CEP164: variants seen among roughly 807,000 people sequenced by gnomAD.
CEP164 encodes centrosomal protein 164.
A neutral mutation model predicts 182.7 loss-of-function variants in CEP164; 162 were observed. The ratio of observed to expected loss-of-function variants is 0.89; its 90% CI spans 0.78 to 1.01. The LOEUF is 1.01. CEP164 is among the 50% of genes least tolerant of loss of function. The probability of loss-of-function intolerance (pLI) is 0.00; values close to 1 mark genes in which losing one functional copy is unlikely to be tolerated. For missense variants in CEP164, 1,735 were observed against 1,790.4 expected (o/e 0.97, Z 0.56); for synonymous variants, 661 against 690.0 (o/e 0.96, Z 0.66).
chr11:117,405,350 C>T (rs756781309), intron 27 of CEP164, among the ~76,000 whole-genome samples: 25 of 152,156 alleles, frequency 1.6e-4, no homozygotes, highest in Non-Finnish European at 2.2e-4. Context: ...GTATCTGGGC[C>T]GGAATGCACT....
intron 7 of CEP164, 26 bp downstream of exon 7, chr11:117,362,564 C>T (rs2041119133): frequency 6.2e-7 from 1 of 1,605,026 alleles, no homozygotes. Context: ...TCTCCCTGGC[C>T]TGGAAACCCT....
chr11:117,330,521 C>CAT (rs2036040307), intron 1 of CEP164, among the ~76,000 whole-genome samples: 2 of 152,114 alleles, frequency 1.3e-5, no homozygotes, highest in African/African-American at 4.8e-5. Flanking sequence ...TGGTGGCAGG[C>CAT]GCCTGTAATC....
intron 13 of CEP164, 52 bp from the exon 14 acceptor site, chr11:117,382,744 C>T (rs371562562): frequency 1.3e-6 from 2 of 1,595,026 alleles, no homozygotes; most frequent in South Asian, 1.1e-5. Flanking sequence ...ACATCTTAAG[C>T]CTCTTGCTTT....
intron 8 of CEP164, among the ~76,000 whole-genome samples, chr11:117,366,143 G>T (rs1406525903): frequency 6.6e-6 from 1 of 152,004 alleles, no homozygotes; most frequent in Non-Finnish European, 1.5e-5. Context: ...CCTGTTGGGA[G>T]TGTTAGTGGT....
intron 15 of CEP164, among the ~76,000 whole-genome samples, chr11:117,388,892 A>C (rs1030838520): frequency 6.6e-6 from 1 of 151,614 alleles, no homozygotes; most frequent in African/African-American, 2.4e-5. Context: ...CAGCCTCCCA[A>C]GTAGCTGGGA....
chr11:117,354,233 G>A (rs996531950), intron 5 of CEP164, among the ~76,000 whole-genome samples: 1 of 151,976 alleles, frequency 6.6e-6, no homozygotes, highest in Non-Finnish European at 1.5e-5. Flanking sequence ...GGCCAGGCTG[G>A]TCTCGAACTC....
At chr11:117,354,775 TTTA>T (rs1357162345) in intron 5 of CEP164, among the ~76,000 whole-genome samples, 1 of 149,444 alleles carries the variant, frequency 6.7e-6, no homozygotes, top group African/African-American at 2.5e-5. Context: ...ATTTTATTTA[TTTA>T]TTTATTTATT....
At chr11:117,376,187 C>T (rs2042721338) in intron 11 of CEP164, among the ~76,000 whole-genome samples, 1 of 152,246 alleles carries the variant, frequency 6.6e-6, no homozygotes. Context: ...GCACACTCCA[C>T]CTCCGCCACG....
intron 27 of CEP164, among the ~76,000 whole-genome samples, chr11:117,401,684 T>G (rs1242219128): frequency 6.6e-6 from 1 of 152,220 alleles, no homozygotes; most frequent in African/African-American, 2.4e-5. Context: ...GGGATTCAAC[T>G]TCTTTCTGGT....
intron 2 of CEP164, among the ~76,000 whole-genome samples, chr11:117,337,128 G>A (rs1287722648): frequency 2.0e-5 from 3 of 152,018 alleles, no homozygotes; most frequent in Admixed American, 2.0e-4. Context: ...TAGACTGGGG[G>A]GCTCCAACAA....
At position 117,396,295 on chromosome 11, in the gene CEP164, G is replaced by A. The variant is rs577615759; in HGVS notation, c.3216+115G>A. On this transcript the variant is annotated intron_variant, in intron 25 of 32. Transcript: ENST00000278935. ...GGGACAGCTCATCAGGAGGGGTGGAGCCTCAGGAGGGGAGGAGTATAAGGT... is the reference window on the plus strand; with the variant it reads ...GGGACAGCTCATCAGGAGGGGTGGAACCTCAGGAGGGGAGGAGTATAAGGT... 5.1e-4 allele frequency: 628 copies of A among 1,219,802 alleles called. 1 individual carries two copies. The highest frequency in any genetic ancestry group is 6.6e-4 in the Non-Finnish European group (557 of 849,522). 75.6% of individuals were successfully genotyped at this position (1,219,802 alleles called of 1,614,324 possible).
chr11:117,364,833 C>T (rs1156876656), intron 8 of CEP164, among the ~76,000 whole-genome samples: 3 of 152,158 alleles, frequency 2.0e-5, no homozygotes, highest in Non-Finnish European at 4.4e-5. Flanking sequence ...TGCCTGTAAC[C>T]TCAGAAACTG....
intron 8 of CEP164, among the ~76,000 whole-genome samples, 186 bp from the exon 9 acceptor site, chr11:117,370,894 G>C (rs746065606): frequency 6.7e-4 from 102 of 152,146 alleles, no homozygotes; most frequent in Non-Finnish European, 1.3e-3. Flanking sequence ...CTGGGCGACA[G>C]AGTAAGACTC....
rs189055105 is a variant in CEP164 at position 117,322,251 on chromosome 11, G to A, written c.-98+7523G>A. On this transcript the variant is annotated intron_variant, in intron 1 of 4. Transcript: ENST00000525734. Reference sequence around the variant, plus strand: ...CGGCCTCAGCCTCCTGAGTAGCTGGGACTACAGGCGTGTACCACCATGCCC... The same window carrying A: ...CGGCCTCAGCCTCCTGAGTAGCTGGAACTACAGGCGTGTACCACCATGCCC... Among the ~76,000 whole-genome samples, 13 of 152,110 alleles carry A rather than the reference G, an allele frequency of 8.5e-5. 1 individual carries two copies. Among genetic ancestry groups the A allele is most frequent in the Admixed American group, 4.6e-4 (7 of 15,260 alleles).
At chr11:117,369,310 T>C (rs564822977) in intron 8 of CEP164, among the ~76,000 whole-genome samples, 70 of 152,350 alleles carry the variant, frequency 4.6e-4, no homozygotes, top group Non-Finnish European at 8.4e-4. Flanking sequence ...TAAGCACTAC[T>C]ACATCCCAGT....
chr11:117,354,919 T>C (rs1278492464), intron 5 of CEP164: 1 of 1,268,346 alleles, frequency 7.9e-7, no homozygotes, highest in Non-Finnish European at 1.0e-6. Context: ...TGCATGTTTA[T>C]ATACCCATCT....
At chr11:117,324,187 T>C (rs905577708), upstream of CEP164, among the ~76,000 whole-genome samples, 2 of 152,030 alleles carry the variant, frequency 1.3e-5, no homozygotes, top group African/African-American at 4.8e-5. Flanking sequence ...TGGCTCATGC[T>C]TGTAATCCCA....
rs770562740 is a variant in CEP164 at position 117,412,391 on chromosome 11, A to G, written c.*223A>G. 2.4e-5 allele frequency: 10 copies of G among 418,944 alleles called. No individual in the cohort carries two copies. Among genetic ancestry groups the G allele is most frequent in the Non-Finnish European group, 3.9e-5 (9 of 232,266 alleles). The allele number at this position is 418,944 out of a possible 1,614,324, so 26.0% of individuals were successfully genotyped here. A position where few individuals can be genotyped will look rare whatever the true frequency, so the allele number is the denominator to read the frequency against. ...GTGTGGACTCGTACGAGCTCTTGTC[A>G]TTGACATGGCAAGCTGATGGCGTGC... On this transcript the variant is annotated 3_prime_UTR_variant, in exon 33 of 33. Transcript: ENST00000278935.
At chr11:117,339,335 G>A (rs889150691) in intron 3 of CEP164, among the ~76,000 whole-genome samples, 2 of 152,074 alleles carry the variant, frequency 1.3e-5, no homozygotes, top group African/African-American at 4.8e-5. Context: ...AAACATAGTA[G>A]GGGGTATCTA....
Sources: gnomAD v4.1 joint callset for allele counts (sites outside exome capture counted in the v4.1 genomes callset) on GRCh38, gnomAD v4.1.1 for gene constraint, MANE v1.5 for transcripts, NCBI Gene and HGNC (gene_info 2026-07-23, HGNC 2026-07-21) for gene names.